The following KIAA1328 variants were observed in gnomAD, a reference collection of about 807,000 sequenced individuals.
The protein encoded by KIAA1328 is KIAA1328.
In KIAA1328, 52 loss-of-function variants were observed where a neutral mutation model predicts 68.1. The ratio of observed to expected loss-of-function variants is 0.76; its 90% confidence interval spans 0.61 to 0.96. The LOEUF (loss-of-function observed/expected upper bound fraction) is 0.96, where lower values mean the gene tolerates loss of function less well. Ranked by LOEUF, KIAA1328 falls within the 40% of genes least tolerant of loss-of-function variation. KIAA1328 has a pLI of 0.00. For missense variants in KIAA1328, 641 were observed against 677.6 expected (o/e 0.95, Z 0.60); for synonymous variants, 232 against 239.4 (o/e 0.97, Z 0.28).
At chr18:36,859,063 T>C (rs192601972) in intron 4 of KIAA1328, among the ~76,000 whole-genome samples, 224 of 152,312 alleles carry the variant, frequency 1.5e-3, no homozygotes, top group Non-Finnish European at 2.5e-3. Context: ...TTAAATTTTC[T>C]ATGTTTTTAT....
chr18:37,204,142 A>G (rs981148792), intron 9 of KIAA1328, among the ~76,000 whole-genome samples: 4 of 152,202 alleles, frequency 2.6e-5, no homozygotes, highest in African/African-American at 9.6e-5. Flanking sequence ...GCTTTAAGAC[A>G]TAAGCTCACA....
chr18:36,979,181 T>C (rs924708904), intron 6 of KIAA1328, among the ~76,000 whole-genome samples: 1 of 140,296 alleles, frequency 7.1e-6, no homozygotes, highest in South Asian at 2.6e-4. Flanking sequence ...TAAAATAAAA[T>C]TTAAAAATAA....
At position 37,179,764 on chromosome 18, in the gene KIAA1328, C is replaced by G. The variant is rs2059663255; in HGVS notation, c.1523+6683C>G. Among the ~76,000 whole-genome samples the G allele has an allele frequency of 2.0e-5, 3 of 152,086 alleles. No individual in the cohort carries two copies. The South Asian group carries it at 6.2e-4, about 32-fold the overall frequency. On this transcript the variant is annotated intron_variant, in intron 9 of 9. Transcript: ENST00000280020. ...ACTTAACATGAAAATCCAATTGCTT[C>G]CAGCTCCAGATATGATGGCACAGCC...
At chr18:37,037,713 A>G (rs1251846659) in intron 6 of KIAA1328, among the ~76,000 whole-genome samples, 1 of 151,054 alleles carries the variant, frequency 6.6e-6, no homozygotes, top group Non-Finnish European at 1.5e-5. Flanking sequence ...GTGAAACCCC[A>G]TCTCCAGCCT....
At chr18:36,837,688 A>G (rs939340538) in intron 3 of KIAA1328, among the ~76,000 whole-genome samples, 1 of 151,484 alleles carries the variant, frequency 6.6e-6, no homozygotes, top group Non-Finnish European at 1.5e-5. Context: ...ATTTGTGCCT[A>G]TTTTTTTTCT....
intron 9 of KIAA1328, among the ~76,000 whole-genome samples, chr18:37,186,981 C>G (rs1176419409): frequency 6.6e-6 from 1 of 152,114 alleles, no homozygotes; most frequent in Non-Finnish European, 1.5e-5. Context: ...TGAGACCACT[C>G]TGGCCAACAT....
chr18:36,878,019 A>G (rs972030136), intron 4 of KIAA1328, among the ~76,000 whole-genome samples: 2 of 151,924 alleles, frequency 1.3e-5, no homozygotes, highest in South Asian at 2.1e-4. Context: ...TAAGGTTAAC[A>G]TTGTTATGTG....
chr18:37,153,816 A>AT (rs1276682624), intron 7 of KIAA1328, among the ~76,000 whole-genome samples: 3 of 145,664 alleles, frequency 2.1e-5, no homozygotes, highest in Non-Finnish European at 4.5e-5. Flanking sequence ...TCCAGCCTAG[A>AT]TTTTATGGTC....
At chr18:37,179,428 G>A (rs1024790557) in intron 9 of KIAA1328, among the ~76,000 whole-genome samples, 1 of 152,078 alleles carries the variant, frequency 6.6e-6, no homozygotes, top group Non-Finnish European at 1.5e-5. Flanking sequence ...TTTAGTTTGA[G>A]TTTTTTTAAA....
chr18:37,001,813 G>T (rs2053595596), intron 6 of KIAA1328, among the ~76,000 whole-genome samples: 1 of 152,114 alleles, frequency 6.6e-6, no homozygotes, highest in Non-Finnish European at 1.5e-5. Flanking sequence ...ATCCCTTCAT[G>T]ATAAAAAGCT....
At position 37,176,460 on chromosome 18, in the gene KIAA1328, G is replaced by A. The variant is rs1238317711; in HGVS notation, c.1523+3379G>A. 3.3e-5 allele frequency among the ~76,000 whole-genome samples: 5 copies of A among 152,310 alleles called. No homozygotes were observed. The East Asian group carries it at 9.6e-4, about 29-fold the overall frequency. ...GGCATTATAGTTTTCTGTGCTGAAA[G>A]CTGCAGTGTTTCTTTCTCTCCATTT... On this transcript the variant is annotated intron_variant, in intron 9 of 9. Coordinates refer to ENST00000280020, the MANE Select transcript of KIAA1328 (RefSeq NM_020776.3).
intron 7 of KIAA1328, among the ~76,000 whole-genome samples, chr18:37,077,291 A>T (rs2056774335): frequency 8.3e-6 from 1 of 120,954 alleles, no homozygotes; most frequent in Non-Finnish European, 1.7e-5. Context: ...ACAAGGCTTC[A>T]TGCTAAAAAC....
intron 5 of KIAA1328, among the ~76,000 whole-genome samples, chr18:36,939,392 T>C (rs1220489865): frequency 6.6e-6 from 1 of 152,128 alleles, no homozygotes; most frequent in Non-Finnish European, 1.5e-5. Flanking sequence ...CTTTTTCGGA[T>C]AGTTTGTTGT....
chr18:37,172,566 T>C (rs999594909), intron 8 of KIAA1328, among the ~76,000 whole-genome samples: 3 of 152,192 alleles, frequency 2.0e-5, no homozygotes, highest in African/African-American at 7.2e-5. Flanking sequence ...TATATATATC[T>C]TGAAAGTGTT....
intron 6 of KIAA1328, among the ~76,000 whole-genome samples, chr18:36,973,820 CACACACACAT>C (rs1316838490): frequency 6.6e-5 from 7 of 105,930 alleles, no homozygotes; most frequent in Admixed American, 3.1e-4. Context: ...CATACACACA[CACACACACAT>C]ACACACACAC....
intron 6 of KIAA1328, among the ~76,000 whole-genome samples, chr18:37,031,300 G>T (rs1004087766): frequency 5.9e-5 from 9 of 151,670 alleles, no homozygotes; most frequent in African/African-American, 1.7e-4. Flanking sequence ...TGATTGTGGG[G>T]TTTTTTTTCC....
At chr18:36,968,106 C>T (rs2052018894) in intron 6 of KIAA1328, among the ~76,000 whole-genome samples, 1 of 152,066 alleles carries the variant, frequency 6.6e-6, no homozygotes. Flanking sequence ...ACCTGCTTTA[C>T]AAGAGCTCCT....
intron 5 of KIAA1328, among the ~76,000 whole-genome samples, chr18:36,957,543 C>T (rs1249631189): frequency 6.6e-6 from 1 of 151,992 alleles, no homozygotes; most frequent in Non-Finnish European, 1.5e-5. Flanking sequence ...AGAGAGGGTA[C>T]CCCAGGTTAA....
chr18:36,947,219 A>G (rs1033246403), intron 5 of KIAA1328, among the ~76,000 whole-genome samples: 4 of 152,202 alleles, frequency 2.6e-5, no homozygotes, highest in South Asian at 2.1e-4. Flanking sequence ...GTTCAAGGAG[A>G]CAAATATAGG....
Sources: gnomAD v4.1 joint callset for allele counts (sites outside exome capture counted in the v4.1 genomes callset) on GRCh38, gnomAD v4.1.1 for gene constraint, MANE v1.5 for transcripts, NCBI Gene and HGNC (gene_info 2026-07-23, HGNC 2026-07-21) for gene names.